The following ZFHX3 variants were observed in gnomAD, a reference collection of about 807,000 sequenced individuals.
ZFHX3 encodes zinc finger homeobox 3, also known as zinc finger homeobox protein 3.
A neutral mutation model predicts 279.1 loss-of-function variants in ZFHX3; 42 were observed. That is an observed-to-expected ratio of 0.15 (90% CI 0.12 to 0.19). The LOEUF is 0.19. ZFHX3 is among the 10% of genes least tolerant of loss of function. The pLI, the probability that ZFHX3 is intolerant of heterozygous loss-of-function variation, is 1.00. For missense variants in ZFHX3, 4,981 were observed against 4,754.0 expected (o/e 1.05, Z -1.40); for synonymous variants, 2,293 against 1,957.8 (o/e 1.17, Z -4.52).
intron 2 of ZFHX3, among the ~76,000 whole-genome samples, chr16:73,638,294 A>G (rs186933565): frequency 6.6e-6 from 1 of 152,362 alleles, no homozygotes; most frequent in African/African-American, 2.4e-5. Context: ...TAATTTAACC[A>G]TATACATATA....
chr16:73,755,724 C>T (rs1420853151), intron 1 of ZFHX3, among the ~76,000 whole-genome samples: 2 of 152,230 alleles, frequency 1.3e-5, no homozygotes, highest in Non-Finnish European at 2.9e-5. Context: ...AAAGCAAGAG[C>T]TTGGGGCTCA....
chr16:73,610,798 TTC>T (rs2052237112), intron 2 of ZFHX3, among the ~76,000 whole-genome samples: 1 of 152,200 alleles, frequency 6.6e-6, no homozygotes, highest in African/African-American at 2.4e-5. Flanking sequence ...TAGTTTAGGA[TTC>T]TGTTTATTGG....
Position 72,794,330 on chromosome 16 carries a change from G to T in ZFHX3, c.8352C>A (p.Pro2784=), listed in dbSNP as rs1277544657. 6.2e-7 allele frequency: 1 copy of T among 1,605,230 alleles called. No homozygotes were observed. Among genetic ancestry groups the T allele is most frequent in the Admixed American group, 1.7e-5 (1 of 59,468 alleles). ...CCATGGTTTTACTCACAGGTGAGAG[G>T]GGGACACCCTGACCATCACTACTGC... is the stretch of plus-strand genomic sequence containing the variant. ...PPSSSDGQGV[P]LSPVSKTMEL... Residue 2784 remains proline, a synonymous_variant, in exon 9 of 10, where the codon CCC becomes CCA. Coordinates refer to ENST00000268489, the MANE Select transcript of ZFHX3 (RefSeq NM_006885.4). The surrounding 1 kb of genome is among the most constrained non-coding windows in gnomAD (Gnocchi z 4.2).
At position 73,232,941 on chromosome 16, in the gene ZFHX3, C is replaced by G. The variant is rs1597233175; in HGVS notation, c.-1104+24106G>C. ...AGCTGTAATTTCTTATACTTCAAGG[C>G]AAGATGAGACAGTGATGGGTTCAGT... On this transcript the variant is annotated intron_variant, in intron 5 of 17. Coordinates refer to the ZFHX3 transcript ENST00000641206. The G allele has an allele frequency of 2.6e-5, 4 of 151,092 alleles. No individual in the cohort carries two copies. In the East Asian group the frequency reaches 7.8e-4, roughly 30 times the overall value. 9.4% of individuals were successfully genotyped at this position (151,092 alleles called of 1,614,324 possible).
intron 5 of ZFHX3, among the ~76,000 whole-genome samples, chr16:73,172,921 G>A (rs1967565072): frequency 6.9e-6 from 1 of 144,002 alleles, no homozygotes; most frequent in Non-Finnish European, 1.5e-5. Context: ...TCATGGTGGG[G>A]CTGCCTGTGG....
chr16:73,108,482 C>T (rs1045093326), intron 7 of ZFHX3, among the ~76,000 whole-genome samples: 1 of 152,098 alleles, frequency 6.6e-6, no homozygotes, highest in African/African-American at 2.4e-5. Flanking sequence ...CGGCTCACTG[C>T]AGCCTCAAAC....
rs1282991370 is a variant in ZFHX3, at chr16:72,960,101, C to A, written c.45G>T (p.Gly15=). Residue 15 remains glycine (G), a synonymous_variant, in exon 2 of 10, where the codon GGG becomes GGT. Transcript: ENST00000268489. ...ATTGCTGGTGCTGAGGGATACCGCACCCATTGTCCTTCCCCGAGACGACGG... is the reference window on the plus strand; with the variant it reads ...ATTGCTGGTGCTGAGGGATACCGCAACCATTGTCCTTCCCCGAGACGACGG... The part of the protein sequence containing the change: ...DSPVVSGKDN[G]CGIPQHQQWT... 4 of 1,604,362 alleles carry A rather than the reference C, an allele frequency of 2.5e-6. No homozygotes were observed. In the African/African-American group the frequency reaches 5.4e-5, roughly 22 times the overall value.
intron 1 of ZFHX3, chr16:73,015,334 A>C (rs1157434358): frequency 1.3e-5 from 2 of 152,280 alleles, no homozygotes; most frequent in Non-Finnish European, 2.9e-5. Context: ...GGCGTGAGCC[A>C]CCACACCGGC....
At chr16:73,598,784 G>C in intron 2 of ZFHX3, among the ~76,000 whole-genome samples, 1 of 151,954 alleles carries the variant, frequency 6.6e-6, no homozygotes, top group East Asian at 1.9e-4. Context: ...TGTTTTTTGA[G>C]ACAGAGTCTT....
intron 3 of ZFHX3, among the ~76,000 whole-genome samples, chr16:72,927,264 A>G (rs1167142214): frequency 6.6e-6 from 1 of 152,202 alleles, no homozygotes; most frequent in Non-Finnish European, 1.5e-5. Flanking sequence ...ACCCACACCA[A>G]TGAGTCTTCT....
chr16:73,478,312 T>A (rs558583022), intron 2 of ZFHX3, among the ~76,000 whole-genome samples: 3 of 147,572 alleles, frequency 2.0e-5, no homozygotes, highest in African/African-American at 7.6e-5. Context: ...AAAAGCCATA[T>A]GACATGCCTG....
chr16:73,457,656 C>T (rs1332692247), intron 2 of ZFHX3, among the ~76,000 whole-genome samples: 1 of 152,164 alleles, frequency 6.6e-6, no homozygotes, highest in East Asian at 1.9e-4. Context: ...GCCTGTATTC[C>T]CAGCTCTCCT....
chr16:73,121,610 G>T (rs368912871), intron 7 of ZFHX3, among the ~76,000 whole-genome samples: 1 of 149,210 alleles, frequency 6.7e-6, no homozygotes, highest in South Asian at 2.2e-4. Flanking sequence ...AGAACTAATT[G>T]CAGCTTTCTT....
At chr16:73,410,665 C>T (rs1368668827) in intron 3 of ZFHX3, among the ~76,000 whole-genome samples, 1 of 151,172 alleles carries the variant, frequency 6.6e-6, no homozygotes, top group Non-Finnish European at 1.5e-5. Context: ...CCATCTCCTG[C>T]TCTTGGACCA....
chr16:72,970,922 T>G (rs1350819603), intron 1 of ZFHX3, among the ~76,000 whole-genome samples: 6 of 152,206 alleles, frequency 3.9e-5, no homozygotes, highest in African/African-American at 1.4e-4. Context: ...ATGATTAAAG[T>G]TGTGGGAGTT....
At chr16:73,432,361 T>A (rs2017924656) in intron 3 of ZFHX3, among the ~76,000 whole-genome samples, 1 of 152,132 alleles carries the variant, frequency 6.6e-6, no homozygotes, top group Non-Finnish European at 1.5e-5. Flanking sequence ...CTCCATTTGA[T>A]AGACTGGATA....
chr16:73,088,250 A>G (rs1966032415), intron 8 of ZFHX3, among the ~76,000 whole-genome samples: 1 of 152,088 alleles, frequency 6.6e-6, no homozygotes, highest in African/African-American at 2.4e-5. Flanking sequence ...GGCTCAAGCA[A>G]TCCTTCCACC....
rs557201311 is a variant in ZFHX3, at chr16:72,802,268, C to T, written c.3865-2139G>A. 1.9e-4 allele frequency among the ~76,000 whole-genome samples: 28 copies of T among 151,242 alleles called. No individual in the cohort carries two copies. The South Asian group carries it at 4.8e-3, about 26-fold the overall frequency. ...GTTGAAGTCAATCAAGTGTGAATGACGGCAAAAAAGAAAAAAAAAAGACAC... is the reference window on the plus strand; with the variant it reads ...GTTGAAGTCAATCAAGTGTGAATGATGGCAAAAAAGAAAAAAAAAAGACAC... On this transcript the variant is annotated intron_variant, in intron 7 of 9. Transcript: ENST00000268489.
intron 3 of ZFHX3, among the ~76,000 whole-genome samples, chr16:73,408,250 A>G (rs746703989): frequency 6.6e-6 from 1 of 152,104 alleles, no homozygotes; most frequent in East Asian, 1.9e-4. Context: ...TGTTGTGTCC[A>G]CCATAAAAAT....
Sources: allele counts gnomAD v4.1 joint callset (sites outside exome capture counted in the v4.1 genomes callset), GRCh38; gene constraint gnomAD v4.1.1; non-coding constraint Gnocchi (gnomAD v3.1); transcripts MANE v1.5; gene names NCBI Gene and HGNC (gene_info 2026-07-23, HGNC 2026-07-21).